CCDC171: variants seen among roughly 807,000 people sequenced by gnomAD.
CCDC171 encodes the protein coiled-coil domain containing 171.
CCDC171 carries 177 observed loss-of-function variants against 168.2 expected under a neutral mutation model. The ratio of observed to expected loss-of-function variants is 1.05; its 90% CI spans 0.93 to 1.19. The LOEUF (loss-of-function observed/expected upper bound fraction) is 1.19, where lower values mean the gene tolerates loss of function less well. CCDC171 is among the 50% of genes most tolerant of loss of function. CCDC171 has a pLI of 0.00. For missense variants in CCDC171, 1,991 were observed against 1,539.0 expected, an observed-to-expected ratio of 1.29 and a Z score of -4.91; for synonymous variants, 687 against 540.8, an observed-to-expected ratio of 1.27 and a Z score of -3.75.
At chr9:15,696,513 A>G (rs1490058461) in intron 11 of CCDC171, among the ~76,000 whole-genome samples, 1 of 152,210 alleles carries the variant, frequency 6.6e-6, no homozygotes, top group Non-Finnish European at 1.5e-5. Context: ...GCAGGTATCC[A>G]GTTTCAATTA....
chr9:15,839,650 CT>C (rs60250810), intron 21 of CCDC171, among the ~76,000 whole-genome samples: 3,590 of 152,156 alleles, frequency 0.024, 152 homozygotes, highest in African/African-American at 0.083. Flanking sequence ...ATTTTCCCCC[CT>C]AGTGATTATA....
At chr9:16,045,630 C>T (rs1189456398) in intron 1 of CCDC171, among the ~76,000 whole-genome samples, 1 of 152,164 alleles carries the variant, frequency 6.6e-6, no homozygotes, top group Non-Finnish European at 1.5e-5. Flanking sequence ...ATGGTAAAGG[C>T]CATGGTGAGC....
At chr9:15,786,235 C>T (rs1166001780) in intron 21 of CCDC171, among the ~76,000 whole-genome samples, 1 of 152,202 alleles carries the variant, frequency 6.6e-6, no homozygotes, top group East Asian at 1.9e-4. Flanking sequence ...TACCTATATA[C>T]TGTTTTGAAA....
chr9:15,738,142 C>G (rs895610236), intron 16 of CCDC171, among the ~76,000 whole-genome samples: 3 of 152,126 alleles, frequency 2.0e-5, no homozygotes, highest in African/African-American at 7.2e-5. Context: ...ACATAAAGAG[C>G]AAGAACTCAG....
chr9:15,678,784 A>G lies in CCDC171; in HGVS notation c.1103A>G (p.Asn368Ser), dbSNP rs758588500. 2 of 1,591,974 alleles carry G rather than the reference A, an allele frequency of 1.3e-6. No homozygotes were observed. The highest frequency in any genetic ancestry group is 1.2e-5 in the South Asian group (1 of 85,642). The change falls in exon 10 of 26, where the codon AAT becomes AGT. Residue 368 changes from asparagine to serine, a missense_variant. Coordinates refer to ENST00000380701, the MANE Select transcript of CCDC171 (RefSeq NM_173550.4). ...NLLEKEYFSK[N>S]KKLNEDIEEQ... ...TTAGAAAAAGAGTATTTCTCCAAAA[A>G]TAAGAAACTAAATGAAGACATCGAG...
chr9:15,655,564 TC>T (rs1587770486), intron 7 of CCDC171, among the ~76,000 whole-genome samples: 2 of 152,196 alleles, frequency 1.3e-5, no homozygotes, highest in East Asian at 3.8e-4. Context: ...AAATTAGACT[TC>T]ATCATAATGA....
At chr9:15,657,059 G>C in intron 7 of CCDC171, 68 bp from the exon 8 acceptor site, 1 of 842,178 alleles carries the variant, frequency 1.2e-6, no homozygotes, top group East Asian at 2.6e-5. Context: ...TATAATGCTG[G>C]ACTGTAGTGA....
intron 7 of CCDC171, 45 bp downstream of exon 7, chr9:15,623,458 C>T (rs765143085): frequency 1.5e-6 from 2 of 1,297,996 alleles, no homozygotes; most frequent in Non-Finnish European, 2.2e-6. Context: ...TACAAACTTT[C>T]ACATATGCGC....
intron 23 of CCDC171, among the ~76,000 whole-genome samples, chr9:15,863,358 A>G (rs2061640178): frequency 6.6e-6 from 1 of 151,948 alleles, no homozygotes; most frequent in Non-Finnish European, 1.5e-5. Context: ...GAATTTCCAT[A>G]AAGGGAATTG....
At chr9:16,006,450 C>CT (rs1408551516) in intron 3 of CCDC171, among the ~76,000 whole-genome samples, 1 of 152,030 alleles carries the variant, frequency 6.6e-6, no homozygotes, top group African/African-American at 2.4e-5. Flanking sequence ...TATTATTATA[C>CT]TTTAAGTTTT....
intron 3 of CCDC171, among the ~76,000 whole-genome samples, chr9:15,991,067 C>T (rs1356715850): frequency 6.6e-6 from 1 of 152,246 alleles, no homozygotes; most frequent in African/African-American, 2.4e-5. Flanking sequence ...AGTTCTGCAC[C>T]AAGCAGACCT....
At chr9:15,757,894 C>T (rs1225900431) in intron 18 of CCDC171, among the ~76,000 whole-genome samples, 1 of 152,102 alleles carries the variant, frequency 6.6e-6, no homozygotes, top group African/African-American at 2.4e-5. Flanking sequence ...GAACAGAAGT[C>T]AAGAATTAGG....
the CCDC171 span, among the ~76,000 whole-genome samples, chr9:16,106,452 C>G: frequency 6.6e-6 from 1 of 152,152 alleles, no homozygotes; most frequent in Non-Finnish European, 1.5e-5. Context: ...TCCCGGGCCT[C>G]CCAACCCAGT....
At chr9:15,880,350 G>C (rs1318226068) in intron 24 of CCDC171, among the ~76,000 whole-genome samples, 1 of 151,974 alleles carries the variant, frequency 6.6e-6, no homozygotes, top group Non-Finnish European at 1.5e-5. Flanking sequence ...TTGATAAATT[G>C]TAGTTGTGTA....
chr9:15,893,660 C>T (rs1820506689), intron 24 of CCDC171, among the ~76,000 whole-genome samples: 1 of 152,030 alleles, frequency 6.6e-6, no homozygotes, highest in Non-Finnish European at 1.5e-5. Flanking sequence ...ATACATGTGG[C>T]CAACAAACAT....
At chr9:15,589,488 TAAAC>T (rs1267932003) in intron 4 of CCDC171, among the ~76,000 whole-genome samples, 1 of 152,202 alleles carries the variant, frequency 6.6e-6, no homozygotes, top group African/African-American at 2.4e-5. Context: ...GAAAAGTTGT[TAAAC>T]AACATGTTAA....
chr9:15,999,788 A>G (rs900186811), intron 3 of CCDC171, among the ~76,000 whole-genome samples: 1 of 152,210 alleles, frequency 6.6e-6, no homozygotes, highest in African/African-American at 2.4e-5. Flanking sequence ...GGACTGAGAC[A>G]TAGGTCTCTG....
In CCDC171 at chr9:15,874,534, C is replaced by T; in HGVS notation, c.3471C>T (p.Val1157=). 1 of 1,595,204 alleles carries T rather than the reference C, an allele frequency of 6.3e-7. No homozygotes were observed. Among genetic ancestry groups the T allele is most frequent in the East Asian group, 2.3e-5 (1 of 43,704 alleles). Residue 1157 remains valine (V), a splice_region_variant and synonymous_variant, in exon 24 of 26, where the codon GTC becomes GTT. Coordinates refer to ENST00000380701, the MANE Select transcript of CCDC171 (RefSeq NM_173550.4). The part of the protein sequence containing the change: ...MRAVENTLHK[V]RDQISLSWSA... ...TGATGCTGTTTTTTTCCCTTTAGGTCAGAGATCAGATCTCGCTGTCATGGT... is the reference window on the plus strand; with the variant it reads ...TGATGCTGTTTTTTTCCCTTTAGGTTAGAGATCAGATCTCGCTGTCATGGT...
intron 11 of CCDC171, among the ~76,000 whole-genome samples, chr9:15,717,348 C>T (rs772906521): frequency 1.1e-4 from 16 of 152,176 alleles, no homozygotes; most frequent in Non-Finnish European, 2.1e-4. Context: ...CTCTGACAAG[C>T]CTTGCCACTG....
Sources: allele counts gnomAD v4.1 joint callset (sites outside exome capture counted in the v4.1 genomes callset), GRCh38; gene constraint gnomAD v4.1.1; transcripts MANE v1.5; gene names NCBI Gene and HGNC (gene_info 2026-07-23, HGNC 2026-07-21).